EBF3: variants seen among roughly 807,000 people sequenced by gnomAD.
The protein encoded by EBF3 is EBF transcription factor 3, also known as transcription factor COE3.
EBF3 carries 18 observed loss-of-function variants against 77.1 expected under a neutral mutation model. That is an observed-to-expected ratio of 0.23 (90% confidence interval 0.16 to 0.35). EBF3 has a LOEUF of 0.35. EBF3 is among the 10% of genes least tolerant of loss of function. The pLI, the probability that EBF3 is intolerant of heterozygous loss-of-function variation, is 1.00. For synonymous variants in EBF3, 350 were observed against 343.5 expected, an observed-to-expected ratio of 1.02 and a Z score of -0.21; for missense variants, 558 against 860.0, an observed-to-expected ratio of 0.65 and a Z score of 4.39.
intron 6 of EBF3, among the ~76,000 whole-genome samples, chr10:129,920,436 G>A (rs904768322): frequency 2.6e-5 from 4 of 152,192 alleles, no homozygotes; most frequent in Admixed American, 2.0e-4. Context: ...CTGCAGGAAG[G>A]GGCTGTCTCC....
chr10:129,900,785 G>A (rs572823972), intron 6 of EBF3, among the ~76,000 whole-genome samples: 24 of 152,340 alleles, frequency 1.6e-4, no homozygotes, highest in Middle Eastern at 3.4e-3. Flanking sequence ...GGCTTTTTCC[G>A]TCACAGCCTT....
At position 129,885,973 on chromosome 10, in the gene EBF3, A is replaced by G. The variant is rs1005503992; in HGVS notation, c.555-8124T>C. ...GCTTCTTTCGCCATCCTGATTCCTG[A>G]TGGCTGGGGAGGTCATTCTCAAAAT... On this transcript the variant is annotated intron_variant, in intron 6 of 16. Coordinates refer to ENST00000440978, the MANE Select transcript of EBF3 (RefSeq NM_001375380.1). This position sits in a 1 kb window ranked among gnomAD's most constrained non-coding sequence, Gnocchi z 4.0. Among the ~76,000 whole-genome samples, 2 of 150,348 alleles carry G rather than the reference A, an allele frequency of 1.3e-5. No homozygotes were observed. Among genetic ancestry groups the G allele is most frequent in the Non-Finnish European group, 3.0e-5 (2 of 67,726 alleles).
In EBF3 at chr10:129,961,841, C is replaced by T. The variant is rs373497185; in HGVS notation, c.411+330G>A. On this transcript the variant is annotated intron_variant, in intron 4 of 16. Coordinates refer to ENST00000440978, the MANE Select transcript of EBF3 (RefSeq NM_001375380.1). Reference sequence around the variant, plus strand: ...AAAAAAAATCCAAATGAACTGATTCCTAGCAGAGAGAGAAGCATTTAAAAA... The same window carrying T: ...AAAAAAAATCCAAATGAACTGATTCTTAGCAGAGAGAGAAGCATTTAAAAA... Among the ~76,000 whole-genome samples, 5 of 152,196 alleles carry T rather than the reference C, an allele frequency of 3.3e-5. No homozygotes were observed. In the East Asian group the frequency reaches 7.7e-4, roughly 23 times the overall value.
At chr10:129,906,475 G>T (rs1346875291) in intron 6 of EBF3, among the ~76,000 whole-genome samples, 1 of 152,184 alleles carries the variant, frequency 6.6e-6, no homozygotes, top group East Asian at 1.9e-4. Flanking sequence ...TGCACTGGCA[G>T]GGGGCTCTGT....
chr10:129,961,558 CAG>C (rs1395462509), intron 4 of EBF3, among the ~76,000 whole-genome samples: 1 of 152,140 alleles, frequency 6.6e-6, no homozygotes, highest in Admixed American at 6.6e-5. Context: ...CAAGGTATGA[CAG>C]AGGGTGGGAG....
intron 5 of EBF3, 60 bp from the exon 6 acceptor site, chr10:129,957,386 G>GTC: frequency 8.4e-7 from 1 of 1,196,386 alleles, no homozygotes. Context: ...TGCCCGACTT[G>GTC]TATTTTTTTT....
chr10:129,921,005 G>C (rs774714450), intron 6 of EBF3, among the ~76,000 whole-genome samples: 1 of 152,092 alleles, frequency 6.6e-6, no homozygotes, highest in Non-Finnish European at 1.5e-5. Context: ...GGGACAGGGA[G>C]GGGTAGCCTG....
rs1454723905 is a variant in EBF3, at chr10:129,861,459, A to G, written c.1039+5682T>C. Among the ~76,000 whole-genome samples, 2 of 152,208 alleles carry G rather than the reference A, an allele frequency of 1.3e-5. No homozygotes were observed. Among genetic ancestry groups the G allele is most frequent in the South Asian group, 2.1e-4 (1 of 4,822 alleles). On this transcript the variant is annotated intron_variant, in intron 10 of 16. Transcript: ENST00000440978. The surrounding 1 kb of genome is among the most constrained non-coding windows in gnomAD (Gnocchi z 4.3). Reference sequence around the variant, plus strand: ...CCCGATTCTGGGCAGGTCCAGAGTCAGCCTGAGCTGAACACACAGACCCAA... The same window carrying G: ...CCCGATTCTGGGCAGGTCCAGAGTCGGCCTGAGCTGAACACACAGACCCAA...
rs1031422935 is a variant in EBF3, at chr10:129,935,015, T to C, written c.554+22243A>G. ...TGTACCTGGTGGTGATCTAACTAGA[T>C]CAATAACAAGTAATGTTTAAGATAA... On this transcript the variant is annotated intron_variant, in intron 6 of 16. Transcript: ENST00000440978. This position sits in a 1 kb window ranked among gnomAD's most constrained non-coding sequence, Gnocchi z 4.2. 6.6e-6 allele frequency among the ~76,000 whole-genome samples: 1 copy of C among 152,098 alleles called. No homozygotes were observed. Among genetic ancestry groups the C allele is most frequent in the African/African-American group, 2.4e-5 (1 of 41,402 alleles).
rs1296517296 is a variant in EBF3, at chr10:129,836,667, C to T, written c.*1276G>A. The stretch of plus-strand genomic sequence containing the variant: ...GAAGTACAAATGAAATGTAAAGACA[C>T]TGGTTCAGCTTAACGAAACAGATCA... On this transcript the variant is annotated 3_prime_UTR_variant, in exon 17 of 17. Coordinates refer to ENST00000440978, the MANE Select transcript of EBF3 (RefSeq NM_001375380.1). 6 of 151,428 alleles carry T rather than the reference C, an allele frequency of 4.0e-5. No homozygotes were observed. Among genetic ancestry groups the T allele is most frequent in the Admixed American group, 4.0e-4 (6 of 15,184 alleles). The allele number at this position is 151,428 out of a possible 1,614,324, so 9.4% of individuals were successfully genotyped here.
chr10:129,839,434 GTGCAGCCTGCACAGCTCAGA>G (rs1849846085), intron 15 of EBF3, among the ~76,000 whole-genome samples: 5 of 152,234 alleles, frequency 3.3e-5, no homozygotes, highest in Admixed American at 3.3e-4. Flanking sequence ...CACAGGCCAC[GTGCAGCCTGCACAGCTCAGA>G]TGGGCCAGGC....
intron 6 of EBF3, among the ~76,000 whole-genome samples, chr10:129,883,341 G>T (rs73381779): frequency 0.013 from 2,000 of 152,336 alleles, 38 homozygotes; most frequent in African/African-American, 0.046. Flanking sequence ...TCCCGTGCCT[G>T]GGTTCCAGCC....
At chr10:129,917,671 A>AAC (rs1855984241) in intron 6 of EBF3, among the ~76,000 whole-genome samples, 1 of 149,972 alleles carries the variant, frequency 6.7e-6, no homozygotes, top group South Asian at 2.1e-4. Flanking sequence ...AAAAAAAAAA[A>AAC]AAAAAAAACT....
intron 6 of EBF3, among the ~76,000 whole-genome samples, chr10:129,917,938 C>T (rs1856007037): frequency 6.6e-6 from 1 of 152,194 alleles, no homozygotes; most frequent in South Asian, 2.1e-4. Flanking sequence ...CAATCATGAA[C>T]TGTCCTACCA....
chr10:129,840,221 C>A, intron 15 of EBF3, 24 bp downstream of exon 15: 2 of 1,535,932 alleles, frequency 1.3e-6, no homozygotes, highest in African/African-American at 1.4e-5. Context: ...CCAGCACTGG[C>A]CCACGGCCCC....
chr10:129,946,221 A>G (rs973282005), intron 6 of EBF3, among the ~76,000 whole-genome samples: 2 of 152,228 alleles, frequency 1.3e-5, no homozygotes, highest in African/African-American at 4.8e-5. Context: ...GCGACTGGTC[A>G]ACTCTGTTTG....
At chr10:129,840,008 C>T (rs1056807774) in intron 15 of EBF3, among the ~76,000 whole-genome samples, 2 of 152,248 alleles carry the variant, frequency 1.3e-5, no homozygotes, top group Non-Finnish European at 2.9e-5. Context: ...CACTAGGTGC[C>T]GTCGGAAGGG....
intron 16 of EBF3, among the ~76,000 whole-genome samples, chr10:129,838,282 C>T (rs1175998424): frequency 6.6e-6 from 1 of 152,274 alleles, no homozygotes; most frequent in Non-Finnish European, 1.5e-5. Flanking sequence ...CTGACCGGTG[C>T]ACTGCCAACA....
intron 10 of EBF3, among the ~76,000 whole-genome samples, chr10:129,859,601 A>G (rs761426127): frequency 1.6e-4 from 25 of 152,232 alleles, no homozygotes; most frequent in Admixed American, 3.9e-4. Flanking sequence ...ACTTTTTCTC[A>G]GGCTAGGCTT....
Sources: allele counts gnomAD v4.1 joint callset (sites outside exome capture counted in the v4.1 genomes callset), GRCh38; gene constraint gnomAD v4.1.1; non-coding constraint Gnocchi (gnomAD v3.1); transcripts MANE v1.5; gene names NCBI Gene and HGNC (gene_info 2026-07-23, HGNC 2026-07-21).